Variants in TET1 observed in about 807,000 individuals in gnomAD.
The protein encoded by TET1 is methylcytosine dioxygenase TET1.
In TET1, 13 loss-of-function variants were observed where a neutral mutation model predicts 148.7. That is an observed-to-expected ratio of 0.09 (90% CI 0.06 to 0.14). TET1 has a LOEUF of 0.14. Among genes scored for constraint, TET1 ranks in the 10% least tolerant of loss-of-function variants. TET1 has a pLI of 1.00. For missense variants in TET1, 2,182 were observed against 2,553.8 expected, an observed-to-expected ratio of 0.85 and a Z score of 3.14; for synonymous variants, 907 against 937.2, an observed-to-expected ratio of 0.97 and a Z score of 0.59.
At chr10:68,561,874 A>G (rs532710895) in intron 1 of TET1, among the ~76,000 whole-genome samples, 1 of 152,222 alleles carries the variant, frequency 6.6e-6, no homozygotes, top group African/African-American at 2.4e-5. Context: ...AAGTGTTTCC[A>G]AAAGAACACT....
Position 68,566,735 on chromosome 10 carries a change from AAGGAGATCTTGTTCTGG to A in TET1, c.-122-5479_-122-5463del, listed in dbSNP as rs2053611292. 5.9e-5 allele frequency among the ~76,000 whole-genome samples: 9 copies of A among 152,246 alleles called. 1 individual carries two copies. The South Asian group carries it at 1.9e-3, about 32-fold the overall frequency. ...GTGTGTAAGGTGGGAACAGAACCAA[AAGGAGATCTTGTTCTGG>A]AGAATATAGCAAACTCTGAGTTAAA... is the stretch of plus-strand genomic sequence containing the variant. On this transcript the variant is annotated intron_variant, in intron 1 of 11. Coordinates refer to ENST00000373644, the MANE Select transcript of TET1 (RefSeq NM_030625.3).
intron 8 of TET1, among the ~76,000 whole-genome samples, chr10:68,675,359 C>T (rs2055334673): frequency 2.0e-5 from 3 of 152,232 alleles, no homozygotes; most frequent in South Asian, 4.1e-4. Context: ...ATCAGAGCAA[C>T]ATGAATTGTG....
rs1333742353 is a variant in TET1 at position 68,646,848 on chromosome 10, G to C, written c.4119G>C (p.Glu1373Asp). 1 of 1,614,168 alleles carries C rather than the reference G, an allele frequency of 6.2e-7. No homozygotes were observed. Among genetic ancestry groups the C allele is most frequent in the South Asian group, 1.1e-5 (1 of 91,076 alleles). ...GITVVSTKSE[E>D]EVCSSSFGTS... is the part of the protein sequence containing the mutation. ...CAGTGGTTTCTACCAAAAGTGAAGA[G>C]GAAGTCTGTTCATCCAGTTTTGGAA... Residue 1373 changes from glutamate to aspartate, a missense_variant, in exon 4 of 12, where the codon GAG (glutamate) becomes GAC (aspartate). This residue lies in a region of TET1 where 169 missense variants were observed against 263.7 expected (regional missense o/e 0.64). Coordinates refer to ENST00000373644, the MANE Select transcript of TET1 (RefSeq NM_030625.3).
intron 1 of TET1, among the ~76,000 whole-genome samples, chr10:68,562,632 C>T (rs1461015854): frequency 6.6e-6 from 1 of 152,026 alleles, no homozygotes; most frequent in African/African-American, 2.4e-5. Context: ...GATGAGGAGT[C>T]CAGGCTTACA....
chr10:68,578,614 A>G (rs1339260538), intron 2 of TET1, among the ~76,000 whole-genome samples: 1 of 152,068 alleles, frequency 6.6e-6, no homozygotes, highest in Non-Finnish European at 1.5e-5. Context: ...CAGATTTTGA[A>G]GTTTTTAACG....
chr10:68,616,742 C>T (rs935213121), intron 3 of TET1, among the ~76,000 whole-genome samples: 1 of 150,954 alleles, frequency 6.6e-6, no homozygotes, highest in Admixed American at 6.6e-5. Context: ...GAGTCTTGCT[C>T]TGTCGCCCAG....
intron 8 of TET1, among the ~76,000 whole-genome samples, chr10:68,673,960 C>CTTTTTTTTTT (rs869073350): frequency 1.4e-5 from 1 of 72,400 alleles, no homozygotes; most frequent in African/African-American, 5.2e-5. Flanking sequence ...TTTTCTTTTT[C>CTTTTTTTTTT]TTTTTTTTTT....
chr10:68,591,790 CTACTGG>C (rs959827189), intron 2 of TET1, among the ~76,000 whole-genome samples: 5 of 152,028 alleles, frequency 3.3e-5, no homozygotes, highest in Admixed American at 3.3e-4. Flanking sequence ...GTAGTCCCAG[CTACTGG>C]CTGGAGGCTG....
intron 3 of TET1, among the ~76,000 whole-genome samples, chr10:68,601,909 T>C (rs1454273114): frequency 1.3e-5 from 2 of 151,760 alleles, no homozygotes; most frequent in Non-Finnish European, 2.9e-5. Flanking sequence ...TACCTAATCC[T>C]AGCTTTCCTT....
intron 2 of TET1, among the ~76,000 whole-genome samples, chr10:68,578,528 G>A (rs760900702): frequency 4.7e-4 from 71 of 152,224 alleles, no homozygotes; most frequent in Non-Finnish European, 9.0e-4. Context: ...AAAGTGCTGC[G>A]ATTACTGCGC....
chr10:68,562,861 G>A (rs1239392002), intron 1 of TET1, among the ~76,000 whole-genome samples: 1 of 151,768 alleles, frequency 6.6e-6, no homozygotes, highest in Non-Finnish European at 1.5e-5. Context: ...TTAGTTTTCG[G>A]CCTTTTGATC....
chr10:68,665,069 GCCTTTTTTATCTTTTCA>G (rs2055178716), intron 6 of TET1, among the ~76,000 whole-genome samples: 1 of 152,018 alleles, frequency 6.6e-6, no homozygotes, highest in Admixed American at 6.6e-5. Context: ...GCGGCACCCA[GCCTTTTTTATCTTTTCA>G]ATTAGCAGAT....
intron 1 of TET1, among the ~76,000 whole-genome samples, chr10:68,570,796 AT>A (rs1291901813): frequency 4.4e-4 from 63 of 143,938 alleles, no homozygotes; most frequent in Non-Finnish European, 6.4e-4. Context: ...CGCCCAGCTC[AT>A]TTTTTTTTTG....
chr10:68,676,877 T>G (rs1467369818), intron 8 of TET1, among the ~76,000 whole-genome samples: 5 of 152,306 alleles, frequency 3.3e-5, no homozygotes, highest in African/African-American at 1.2e-4. Context: ...CAGAAAAGAA[T>G]AGAAATTTTA....
chr10:68,681,976 A>AC (rs1472473817), intron 9 of TET1, among the ~76,000 whole-genome samples: 1 of 150,748 alleles, frequency 6.6e-6, no homozygotes, highest in African/African-American at 2.4e-5. Context: ...TCAAAAAAAA[A>AC]AACAAAAAAA....
intron 6 of TET1, among the ~76,000 whole-genome samples, chr10:68,659,829 C>T (rs1823084815): frequency 6.6e-6 from 1 of 152,078 alleles, no homozygotes; most frequent in Non-Finnish European, 1.5e-5. Flanking sequence ...CCTATGTGAC[C>T]AGTGGCCAGA....
Position 68,612,424 on chromosome 10 carries a change from G to A in TET1, c.1968+11390G>A, listed in dbSNP as rs555639876. Among the ~76,000 whole-genome samples the A allele has an allele frequency of 2.8e-4, 42 of 152,036 alleles. No homozygotes were observed. In the South Asian group the frequency reaches 7.7e-3, roughly 28 times the overall value. On this transcript the variant is annotated intron_variant, in intron 3 of 11. Coordinates refer to ENST00000373644, the MANE Select transcript of TET1 (RefSeq NM_030625.3). ...GTTTTAATGTGATCAGCAGGTACTA[G>A]GACCCAATTCTATAATCCCAGCAGT... is the stretch of plus-strand genomic sequence containing the variant.
chr10:68,636,981 T>TTTTG (rs2054661101), intron 3 of TET1, among the ~76,000 whole-genome samples: 2 of 102,360 alleles, frequency 2.0e-5, no homozygotes, highest in Admixed American at 1.9e-4. Flanking sequence ...ATTTTACTCG[T>TTTTG]TGTGTGTGTG....
chr10:68,595,058 T>A (rs1055000538), intron 2 of TET1, among the ~76,000 whole-genome samples: 25 of 150,000 alleles, frequency 1.7e-4, no homozygotes, highest in African/African-American at 5.6e-4. Flanking sequence ...GACACTGACA[T>A]GGGAGGATCG....
Sources: gnomAD v4.1 joint callset for allele counts (sites outside exome capture counted in the v4.1 genomes callset) on GRCh38, gnomAD v4.1.1 for gene constraint, gnomAD v4.1.1 regional missense constraint, MANE v1.5 for transcripts, NCBI Gene and HGNC (gene_info 2026-07-23, HGNC 2026-07-21) for gene names.